EPHA7: variants seen among roughly 807,000 people sequenced by gnomAD.
EPHA7 encodes EPH receptor A7.
A neutral mutation model predicts 112.6 loss-of-function variants in EPHA7; 25 were observed. The observed-to-expected ratio is 0.22, with a 90% CI of 0.16 to 0.31. The LOEUF is 0.31. EPHA7 is among the 10% of genes least tolerant of loss of function. The probability of loss-of-function intolerance (pLI) is 1.00; values close to 1 mark genes in which losing one functional copy is unlikely to be tolerated. For synonymous variants in EPHA7, 437 were observed against 406.5 expected (o/e 1.07, Z -0.90); for missense variants, 962 against 1,212.6 (o/e 0.79, Z 3.07).
chr6:93,335,311 T>G (rs929435806), intron 5 of EPHA7, among the ~76,000 whole-genome samples: 1 of 152,104 alleles, frequency 6.6e-6, no homozygotes, highest in Non-Finnish European at 1.5e-5. Context: ...ATTTTTCATC[T>G]AATGTAAAAC....
intron 5 of EPHA7, among the ~76,000 whole-genome samples, chr6:93,319,816 G>T (rs891126108): frequency 6.6e-6 from 1 of 151,972 alleles, no homozygotes; most frequent in African/African-American, 2.4e-5. Context: ...TTTCCTGAAA[G>T]ATTACATATA....
At chr6:93,369,374 A>G (rs1190779333) in intron 3 of EPHA7, among the ~76,000 whole-genome samples, 1 of 152,194 alleles carries the variant, frequency 6.6e-6, no homozygotes, top group Non-Finnish European at 1.5e-5. Flanking sequence ...TGTATCCATT[A>G]TCCTACTAAC....
chr6:93,338,510 C>G (rs1425507071), intron 5 of EPHA7, among the ~76,000 whole-genome samples: 1 of 151,914 alleles, frequency 6.6e-6, no homozygotes, highest in African/African-American at 2.4e-5. Flanking sequence ...TCCAATAAAT[C>G]ATGTTTCTTT....
chr6:93,280,153 A>T (rs1200957861), intron 5 of EPHA7, among the ~76,000 whole-genome samples: 2 of 152,184 alleles, frequency 1.3e-5, no homozygotes. Context: ...AAACAATCTA[A>T]ATGCAAAACT....
intron 3 of EPHA7, among the ~76,000 whole-genome samples, chr6:93,367,646 C>T (rs542481390): frequency 1.8e-4 from 28 of 152,148 alleles, no homozygotes; most frequent in Middle Eastern, 3.4e-3. Flanking sequence ...ATAAGACTGG[C>T]TGCTCTCCTA....
At chr6:93,319,702 C>G (rs1773974345) in intron 5 of EPHA7, among the ~76,000 whole-genome samples, 1 of 151,996 alleles carries the variant, frequency 6.6e-6, no homozygotes, top group Non-Finnish European at 1.5e-5. Context: ...TTGCAGTAAT[C>G]CAGATAGGAA....
At chr6:93,266,781 T>C (rs951308555) in intron 7 of EPHA7, among the ~76,000 whole-genome samples, 10 of 151,658 alleles carry the variant, frequency 6.6e-5, no homozygotes, top group South Asian at 2.1e-4. Flanking sequence ...CACTGCTTAA[T>C]TGTGTGGCCA....
chr6:93,244,852 C>G (rs1769875927), intron 16 of EPHA7, among the ~76,000 whole-genome samples: 2 of 152,102 alleles, frequency 1.3e-5, no homozygotes, highest in Admixed American at 1.3e-4. Context: ...AAGTTCAACA[C>G]AAACATGGTG....
At position 93,298,569 on chromosome 6, in the gene EPHA7, A is replaced by G. The variant is rs558957966; in HGVS notation, c.1325-26147T>C. ...AGTAGAGCATCCTAATTTTTAAATCAGTAAAGAGGCCTAAAGAGACACTGA... is the reference window on the plus strand; with the variant it reads ...AGTAGAGCATCCTAATTTTTAAATCGGTAAAGAGGCCTAAAGAGACACTGA... On this transcript the variant is annotated intron_variant, in intron 5 of 16. Transcript: ENST00000369303. 7.9e-5 allele frequency among the ~76,000 whole-genome samples: 12 copies of G among 152,334 alleles called. No homozygotes were observed. The South Asian group carries it at 2.5e-3, about 32-fold the overall frequency.
At chr6:93,378,738 A>C (rs1777185014) in intron 3 of EPHA7, among the ~76,000 whole-genome samples, 1 of 152,176 alleles carries the variant, frequency 6.6e-6, no homozygotes, top group Admixed American at 6.6e-5. Flanking sequence ...TAAGTAACTT[A>C]CTATATTTTG....
intron 5 of EPHA7, among the ~76,000 whole-genome samples, chr6:93,302,649 A>G (rs1443040231): frequency 1.3e-5 from 2 of 152,198 alleles, no homozygotes; most frequent in Non-Finnish European, 2.9e-5. Flanking sequence ...TTTGAAACAG[A>G]GATAATTTAA....
intron 15 of EPHA7, among the ~76,000 whole-genome samples, chr6:93,246,037 T>C (rs980470304): frequency 1.3e-5 from 2 of 151,886 alleles, no homozygotes; most frequent in Non-Finnish European, 2.9e-5. Context: ...TTTAATCATG[T>C]ATTGAATTTT....
chr6:93,243,414 G>A lies in EPHA7; in HGVS notation c.*12C>T, dbSNP rs1769768253. On this transcript the variant is annotated 3_prime_UTR_variant, in exon 17 of 17. Transcript: ENST00000369303. Reference sequence around the variant, plus strand: ...GCAGTCTGTAATCTCCCTTAAAAGGGAGAAATGCATATCACACTTGAATGC... The same window carrying A: ...GCAGTCTGTAATCTCCCTTAAAAGGAAGAAATGCATATCACACTTGAATGC... 1.3e-6 allele frequency: 2 copies of A among 1,592,158 alleles called. No individual in the cohort carries two copies. The highest frequency in any genetic ancestry group is 1.7e-6 in the Non-Finnish European group (2 of 1,160,738).
chr6:93,358,620 C>T (rs1478755726), intron 3 of EPHA7, among the ~76,000 whole-genome samples: 1 of 152,144 alleles, frequency 6.6e-6, no homozygotes, highest in African/African-American at 2.4e-5. Context: ...AATGATACAG[C>T]AAACTTGCAC....
chr6:93,293,136 A>G (rs1294439041), intron 5 of EPHA7, among the ~76,000 whole-genome samples: 1 of 151,820 alleles, frequency 6.6e-6, no homozygotes, highest in Non-Finnish European at 1.5e-5. Flanking sequence ...GATTATTAAA[A>G]ATCAGGTAAT....
intron 14 of EPHA7, among the ~76,000 whole-genome samples, chr6:93,250,375 T>C (rs1770151537): frequency 6.6e-6 from 1 of 152,182 alleles, no homozygotes; most frequent in Non-Finnish European, 1.5e-5. Flanking sequence ...ATTAAGTGCT[T>C]ATTATATGAT....
At chr6:93,372,204 A>T (rs900752765) in intron 3 of EPHA7, among the ~76,000 whole-genome samples, 9 of 152,292 alleles carry the variant, frequency 5.9e-5, no homozygotes, top group African/African-American at 1.9e-4. Context: ...GTGGATGAAC[A>T]CCAATGATAA....
intron 5 of EPHA7, among the ~76,000 whole-genome samples, chr6:93,301,323 G>A (rs9345344): frequency 0.015 from 2,322 of 152,140 alleles, 88 homozygotes; most frequent in East Asian, 0.13. Flanking sequence ...AAGAGTAATT[G>A]AGATAGATAT....
At position 93,243,389 on chromosome 6, in the gene EPHA7, G is replaced by A; in HGVS notation, c.*37C>T. The A allele has an allele frequency of 6.7e-7, 1 of 1,485,766 alleles. No homozygotes were observed. Among genetic ancestry groups the A allele is most frequent in the Non-Finnish European group, 9.4e-7 (1 of 1,064,706 alleles). 92.0% of individuals were successfully genotyped at this position (1,485,766 alleles called of 1,614,324 possible). A position where few individuals can be genotyped will look rare whatever the true frequency, so the allele number is the denominator to read the frequency against. On this transcript the variant is annotated 3_prime_UTR_variant, in exon 17 of 17. Transcript: ENST00000369303. ...TACTGAAGGCCAGTACTGTTCTCTTGCAGTCTGTAATCTCCCTTAAAAGGG... is the reference window on the plus strand; with the variant it reads ...TACTGAAGGCCAGTACTGTTCTCTTACAGTCTGTAATCTCCCTTAAAAGGG...
Sources: allele counts gnomAD v4.1 joint callset (sites outside exome capture counted in the v4.1 genomes callset), GRCh38; gene constraint gnomAD v4.1.1; transcripts MANE v1.5; gene names NCBI Gene and HGNC (gene_info 2026-07-23, HGNC 2026-07-21).